LIMCH1: variants seen among roughly 807,000 people sequenced by gnomAD.
LIMCH1 encodes LIM and calponin homology domains 1, also known as LIM and calponin homology domains-containing protein 1.
A neutral mutation model predicts 176.5 loss-of-function variants in LIMCH1; 113 were observed. The observed-to-expected ratio is 0.64, with a 90% CI of 0.55 to 0.75. The LOEUF is 0.75. Among genes scored for constraint, LIMCH1 ranks in the 30% least tolerant of loss-of-function variants. LIMCH1 has a pLI of 0.00. For missense variants in LIMCH1, 1,674 were observed against 1,814.9 expected (o/e 0.92, Z 1.41); for synonymous variants, 619 against 645.9 (o/e 0.96, Z 0.63).
chr4:41,668,815 A>G (rs2094919674), intron 21 of LIMCH1, among the ~76,000 whole-genome samples: 1 of 152,214 alleles, frequency 6.6e-6, no homozygotes, highest in Admixed American at 6.5e-5. Context: ...GTCATGGTGG[A>G]AGATGAAGGA....
rs1233374272 is a variant in LIMCH1 at position 41,631,264 on chromosome 4, G to T, written c.1388G>T (p.Ser463Ile). Residue 463 changes from serine (S) to isoleucine (I), a missense_variant, in exon 10 of 32, where the codon AGC becomes ATC. Around this residue, in one of 3 missense-constraint regions of LIMCH1, gnomAD observed 655 missense variants for 692.2 expected, o/e 0.95. Transcript: ENST00000503057. ...RKARASKKAS[S>I]PRQKFVHFGP... is the part of the protein sequence containing the mutation. Reference sequence around the variant, plus strand: ...GCAAGGGCCTCTAAGAAAGCTTCCAGCCCCAGGCAAAAGTTTGTGCACTTT... The same window carrying T: ...GCAAGGGCCTCTAAGAAAGCTTCCATCCCCAGGCAAAAGTTTGTGCACTTT... 6 of 1,535,966 alleles carry T rather than the reference G, an allele frequency of 3.9e-6. No homozygotes were observed. In the Admixed American group the frequency reaches 9.8e-5, roughly 25 times the overall value.
Position 41,619,312 on chromosome 4 carries a change from C to T in LIMCH1, c.330C>T (p.Tyr110=), listed in dbSNP as rs2092384445. Residue 110 remains tyrosine (Y), a synonymous_variant, in exon 6 of 32, where the codon TAC becomes TAT. Transcript: ENST00000503057. ...AATCAGCAGTGCCTTTTAACCAGTA[C>T]CTCCCGAACAAAAGCAATCAGACGG... ...EPKSAVPFNQ[Y]LPNKSNQTAY... The T allele has an allele frequency of 3.7e-6, 6 of 1,614,180 alleles. No homozygotes were observed. Among genetic ancestry groups the T allele is most frequent in the Non-Finnish European group, 5.1e-6 (6 of 1,180,038 alleles).
chr4:41,572,545 C>T (rs1252209397), intron 1 of LIMCH1, among the ~76,000 whole-genome samples: 1 of 151,948 alleles, frequency 6.6e-6, no homozygotes, highest in Non-Finnish European at 1.5e-5. Flanking sequence ...GATTTTCTGG[C>T]AGAAAAAAGC....
At chr4:41,385,145 A>C (rs1056437533) in intron 1 of LIMCH1, among the ~76,000 whole-genome samples, 3 of 152,236 alleles carry the variant, frequency 2.0e-5, no homozygotes, top group Non-Finnish European at 4.4e-5. Context: ...GCGCTGTGCC[A>C]CTTGGGCCAG....
intron 31 of LIMCH1, chr4:41,692,905 T>A (rs1727323454): frequency 6.5e-6 from 1 of 152,900 alleles, no homozygotes; most frequent in Non-Finnish European, 1.5e-5. Flanking sequence ...TGTGGATTCT[T>A]CCCCACCTCC....
At chr4:41,415,034 T>A (rs2154126109) in intron 1 of LIMCH1, among the ~76,000 whole-genome samples, 1 of 152,246 alleles carries the variant, frequency 6.6e-6, no homozygotes, top group East Asian at 1.9e-4. Context: ...ATAATACCTG[T>A]TTCATAGAGA....
intron 1 of LIMCH1, among the ~76,000 whole-genome samples, chr4:41,588,087 C>T (rs2086803922): frequency 1.3e-5 from 2 of 150,794 alleles, no homozygotes; most frequent in Admixed American, 1.3e-4. Flanking sequence ...CCTCCCCCTT[C>T]CCCCCACCCC....
chr4:41,632,156 G>A (rs2093359711), intron 10 of LIMCH1, among the ~76,000 whole-genome samples: 1 of 152,188 alleles, frequency 6.6e-6, no homozygotes, highest in Non-Finnish European at 1.5e-5. Flanking sequence ...GGTTCTGTGG[G>A]CTGGTCTGTC....
intron 1 of LIMCH1, among the ~76,000 whole-genome samples, chr4:41,464,423 C>T (rs1293316072): frequency 1.4e-5 from 2 of 145,712 alleles, no homozygotes; most frequent in African/African-American, 2.6e-5. Flanking sequence ...GGCTGGAGTG[C>T]ATTGATGTGA....
intron 1 of LIMCH1, among the ~76,000 whole-genome samples, chr4:41,398,555 G>T (rs2058055585): frequency 1.3e-5 from 2 of 152,074 alleles, no homozygotes; most frequent in Non-Finnish European, 1.5e-5. Flanking sequence ...AAATTAAAAA[G>T]GTTGGCCAAG....
At chr4:41,663,172 T>TGTGTGTGA (rs1202183322) in intron 20 of LIMCH1, among the ~76,000 whole-genome samples, 188 bp downstream of exon 20, 1 of 147,102 alleles carries the variant, frequency 6.8e-6, no homozygotes, top group Admixed American at 6.8e-5. Context: ...TGTGTGTGTG[T>TGTGTGTGA]GATGGAGTTT....
At chr4:41,527,082 AAAAAT>A (rs1280214080) in intron 3 of LIMCH1, among the ~76,000 whole-genome samples, 1 of 152,254 alleles carries the variant, frequency 6.6e-6, no homozygotes, top group Admixed American at 6.5e-5. Flanking sequence ...TTTTAAGTTA[AAAAAT>A]AAAATAAATT....
intron 8 of LIMCH1, among the ~76,000 whole-genome samples, 154 bp downstream of exon 8, chr4:41,627,164 G>T (rs1240435209): frequency 6.6e-6 from 1 of 151,976 alleles, no homozygotes; most frequent in African/African-American, 2.4e-5. Context: ...TGTAATGGGG[G>T]TTTATTTTGA....
chr4:41,500,907 T>G (rs976761821), intron 2 of LIMCH1, among the ~76,000 whole-genome samples: 3 of 151,980 alleles, frequency 2.0e-5, no homozygotes, highest in Non-Finnish European at 4.4e-5. Flanking sequence ...TTCGATAGAG[T>G]GGTTGAGACC....
intron 1 of LIMCH1, among the ~76,000 whole-genome samples, chr4:41,568,502 A>G (rs913731853): frequency 6.6e-6 from 1 of 152,198 alleles, no homozygotes; most frequent in Admixed American, 6.5e-5. Flanking sequence ...ATAATGTTCT[A>G]CTTATTTTTG....
At chr4:41,373,605 G>A (rs1313511146) in intron 1 of LIMCH1, among the ~76,000 whole-genome samples, 1 of 152,202 alleles carries the variant, frequency 6.6e-6, no homozygotes, top group Non-Finnish European at 1.5e-5. Flanking sequence ...ACCATCCTAT[G>A]AGCTAGCTAC....
chr4:41,450,734 G>A (rs2063772415), intron 1 of LIMCH1, among the ~76,000 whole-genome samples: 1 of 144,560 alleles, frequency 6.9e-6, no homozygotes, highest in African/African-American at 2.7e-5. Flanking sequence ...GGCAGAGGTT[G>A]CAGTGAGCTG....
At chr4:41,605,189 A>G (rs1255117413) in intron 3 of LIMCH1, among the ~76,000 whole-genome samples, 5 of 152,162 alleles carry the variant, frequency 3.3e-5, no homozygotes, top group Admixed American at 1.3e-4. Flanking sequence ...GTAGCTTCAG[A>G]CCATTGAATA....
intron 7 of LIMCH1, 89 bp from the exon 8 acceptor site, chr4:41,626,619 A>G: frequency 9.4e-7 from 1 of 1,064,538 alleles, no homozygotes; most frequent in Non-Finnish European, 1.3e-6. Context: ...AAGACTTTTC[A>G]CTAACAACAC....
Sources: allele counts gnomAD v4.1 joint callset (sites outside exome capture counted in the v4.1 genomes callset), GRCh38; gene constraint gnomAD v4.1.1; regional missense constraint gnomAD v4.1.1; transcripts MANE v1.5; gene names NCBI Gene and HGNC (gene_info 2026-07-23, HGNC 2026-07-21).